FAM168A: variants seen among roughly 807,000 people sequenced by gnomAD.
The protein encoded by FAM168A is family with sequence similarity 168 member A, also known as protein FAM168A.
A neutral mutation model predicts 28.5 loss-of-function variants in FAM168A; 3 were observed. The ratio of observed to expected loss-of-function variants is 0.11; its 90% CI spans 0.05 to 0.27. The LOEUF (loss-of-function observed/expected upper bound fraction) is 0.27. FAM168A is among the 10% of genes least tolerant of loss of function. The pLI is 1.00. For synonymous variants in FAM168A, 122 were observed against 124.2 expected, an observed-to-expected ratio of 0.98 and a Z score of 0.12; for missense variants, 222 against 311.5, an observed-to-expected ratio of 0.71 and a Z score of 2.16.
chr11:73,404,018 A>G lies in FAM168A; in HGVS notation c.*2745T>C, dbSNP rs1866458464. 6.6e-6 allele frequency: 1 copy of G among 152,238 alleles called. No homozygotes were observed. The allele number at this position is 152,238 out of a possible 1,614,324, so 9.4% of individuals were successfully genotyped here. On this transcript the variant is annotated 3_prime_UTR_variant, in exon 8 of 8. Coordinates refer to ENST00000356467, the MANE Select transcript of FAM168A (RefSeq NM_015159.3). ...TCGAGTGGCTCTGTCACTTATTAGC[A>G]AGTCACTTGACTTTTCCAAGCCTTG...
intron 2 of FAM168A, among the ~76,000 whole-genome samples, chr11:73,438,440 T>C (rs918308564): frequency 1.3e-5 from 2 of 152,072 alleles, no homozygotes; most frequent in Non-Finnish European, 2.9e-5. Flanking sequence ...AAATATATAC[T>C]GATTCCATGC....
intron 2 of FAM168A, among the ~76,000 whole-genome samples, chr11:73,467,138 C>T (rs1207153201): frequency 1.3e-5 from 2 of 152,112 alleles, no homozygotes; most frequent in African/African-American, 4.8e-5. Flanking sequence ...CTAGAATCTA[C>T]AGCAGGGAAT....
At chr11:73,497,427 G>A (rs568399242) in intron 1 of FAM168A, among the ~76,000 whole-genome samples, 2 of 151,294 alleles carry the variant, frequency 1.3e-5, no homozygotes, top group Admixed American at 6.6e-5. Context: ...CCAGCCTGGC[G>A]ACAGAGAGTG....
intron 1 of FAM168A, among the ~76,000 whole-genome samples, chr11:73,556,325 G>C (rs1943888945): frequency 1.3e-5 from 2 of 151,604 alleles, no homozygotes; most frequent in South Asian, 4.2e-4. Context: ...GTCCCTCCTG[G>C]ATGACAAAGT....
intron 3 of FAM168A, among the ~76,000 whole-genome samples, chr11:73,424,215 G>A (rs111766136): frequency 7.9e-5 from 12 of 152,262 alleles, no homozygotes; most frequent in African/African-American, 2.6e-4. Flanking sequence ...TGACAGATGC[G>A]CGACACACAA....
chr11:73,473,784 A>G (rs1590802740), intron 1 of FAM168A, among the ~76,000 whole-genome samples: 1 of 150,998 alleles, frequency 6.6e-6, no homozygotes, highest in South Asian at 2.1e-4. Context: ...GGTCCTCCAC[A>G]TGCTGTTATT....
intron 1 of FAM168A, among the ~76,000 whole-genome samples, chr11:73,497,535 G>C (rs1854917480): frequency 6.6e-6 from 1 of 152,066 alleles, no homozygotes; most frequent in Non-Finnish European, 1.5e-5. Context: ...GTCCAATATA[G>C]TAGCTATTAG....
intron 2 of FAM168A, among the ~76,000 whole-genome samples, chr11:73,439,168 A>C (rs1867147436): frequency 6.6e-6 from 1 of 152,130 alleles, no homozygotes; most frequent in African/African-American, 2.4e-5. Flanking sequence ...TGAATCTAAG[A>C]TAGCCTGTAT....
Position 73,411,430 on chromosome 11 carries a change from G to T in FAM168A, c.384C>A (p.Ile128=). ...GATTCTGCTGGGGGTAGGCACTTCT[G>T]ATTGGATACATGGCCGTCTGATAGG... ...PNPYQTAMYP[I]RSAYPQQNLY... The change falls in exon 5 of 8, where the codon ATC becomes ATA. Residue 128 remains isoleucine, a synonymous_variant. Transcript: ENST00000356467. 3 of 1,612,372 alleles carry T rather than the reference G, an allele frequency of 1.9e-6. No homozygotes were observed. Among genetic ancestry groups the T allele is most frequent in the Non-Finnish European group, 2.5e-6 (3 of 1,179,160 alleles).
chr11:73,525,580 T>C (rs1416564434), intron 1 of FAM168A, among the ~76,000 whole-genome samples: 1 of 152,208 alleles, frequency 6.6e-6, no homozygotes, highest in East Asian at 1.9e-4. Context: ...GTTCCTTATA[T>C]AACCTTTGAA....
At chr11:73,415,223 G>A (rs1384400095) in intron 4 of FAM168A, among the ~76,000 whole-genome samples, 1 of 152,214 alleles carries the variant, frequency 6.6e-6, no homozygotes, top group Non-Finnish European at 1.5e-5. Context: ...TGCAGAAGAA[G>A]GCCTTGCTTG....
At chr11:73,507,204 T>C (rs932426312) in intron 1 of FAM168A, among the ~76,000 whole-genome samples, 2 of 152,202 alleles carry the variant, frequency 1.3e-5, no homozygotes, top group African/African-American at 4.8e-5. Flanking sequence ...TGTTCATATC[T>C]TTTTCTTACA....
intron 1 of FAM168A, among the ~76,000 whole-genome samples, chr11:73,485,032 A>G (rs1868034996): frequency 6.6e-6 from 1 of 152,144 alleles, no homozygotes; most frequent in Admixed American, 6.5e-5. Context: ...CCCACTGACT[A>G]AAATATTAAT....
chr11:73,560,655 G>A (rs1341455044), intron 1 of FAM168A, among the ~76,000 whole-genome samples: 1 of 152,192 alleles, frequency 6.6e-6, no homozygotes, highest in Admixed American at 6.5e-5. Context: ...AATTTAAACA[G>A]TGATAATACT....
At chr11:73,476,505 A>G (rs1184436845) in intron 1 of FAM168A, among the ~76,000 whole-genome samples, 1 of 152,132 alleles carries the variant, frequency 6.6e-6, no homozygotes, top group Non-Finnish European at 1.5e-5. Flanking sequence ...GCTACAATAT[A>G]TTATCTAAAA....
At chr11:73,491,328 A>G (rs1226801378) in intron 1 of FAM168A, among the ~76,000 whole-genome samples, 1 of 152,154 alleles carries the variant, frequency 6.6e-6, no homozygotes, top group African/African-American at 2.4e-5. Flanking sequence ...CCATGGTGGA[A>G]GCCTGCATGT....
intron 2 of FAM168A, among the ~76,000 whole-genome samples, chr11:73,436,897 G>A (rs1414288701): frequency 6.6e-6 from 1 of 152,164 alleles, no homozygotes; most frequent in East Asian, 1.9e-4. Context: ...GTCAAAGATG[G>A]CTGTGTTTAA....
intron 2 of FAM168A, among the ~76,000 whole-genome samples, chr11:73,462,561 C>G (rs745537122): frequency 1.3e-4 from 20 of 152,098 alleles, no homozygotes; most frequent in Non-Finnish European, 2.1e-4. Flanking sequence ...GTACTTAATG[C>G]CACTAAATAG....
intron 1 of FAM168A, among the ~76,000 whole-genome samples, chr11:73,495,516 T>C (rs1341506865): frequency 1.3e-5 from 2 of 152,184 alleles, no homozygotes; most frequent in Non-Finnish European, 2.9e-5. Context: ...TCCAGCCTCC[T>C]TGAGTGACAT....
Sources: gnomAD v4.1 joint callset for allele counts (sites outside exome capture counted in the v4.1 genomes callset) on GRCh38, gnomAD v4.1.1 for gene constraint, MANE v1.5 for transcripts, NCBI Gene and HGNC (gene_info 2026-07-23, HGNC 2026-07-21) for gene names.